The following DPY19L2 variants were observed in gnomAD, a reference collection of about 807,000 sequenced individuals.
The protein encoded by DPY19L2 is dpy-19 like 2.
DPY19L2 carries 34 observed loss-of-function variants against 97.9 expected under a neutral mutation model. The observed-to-expected ratio is 0.35, with a 90% CI of 0.26 to 0.46. DPY19L2 has a LOEUF of 0.46. Among genes scored for constraint, DPY19L2 ranks in the 20% least tolerant of loss-of-function variants. The pLI is 1.00. For synonymous variants in DPY19L2, 230 were observed against 307.9 expected (o/e 0.75, Z 2.65); for missense variants, 623 against 911.4 (o/e 0.68, Z 4.07).
intron 6 of DPY19L2, among the ~76,000 whole-genome samples, chr12:63,640,891 AT>A (rs1238359077): frequency 6.6e-6 from 1 of 152,248 alleles, no homozygotes; most frequent in East Asian, 1.9e-4. Context: ...TCATTTATTT[AT>A]TGATTTATTT....
intron 6 of DPY19L2, among the ~76,000 whole-genome samples, chr12:63,628,295 G>C (rs1221838687): frequency 6.6e-6 from 1 of 152,190 alleles, no homozygotes; most frequent in Non-Finnish European, 1.5e-5. Flanking sequence ...AGCGCAAGGG[G>C]TCAGGGAATT....
At chr12:63,617,779 C>T (rs1175254139) in intron 10 of DPY19L2, among the ~76,000 whole-genome samples, 1 of 151,908 alleles carries the variant, frequency 6.6e-6, no homozygotes, top group Non-Finnish European at 1.5e-5. Flanking sequence ...TTTAAGGAAG[C>T]TATGTTTGGG....
intron 6 of DPY19L2, among the ~76,000 whole-genome samples, chr12:63,636,302 G>A (rs1219206847): frequency 1.3e-5 from 2 of 152,102 alleles, no homozygotes; most frequent in Non-Finnish European, 1.5e-5. Context: ...AGGAACAACC[G>A]ATACCAGCCA....
chr12:63,638,638 A>C (rs142388383), intron 6 of DPY19L2, among the ~76,000 whole-genome samples: 1 of 152,114 alleles, frequency 6.6e-6, no homozygotes, highest in Non-Finnish European at 1.5e-5. Flanking sequence ...TAGGAATCCA[A>C]CTCACAAGGG....
intron 19 of DPY19L2, among the ~76,000 whole-genome samples, chr12:63,579,701 G>C (rs12321316): frequency 0.049 from 7,416 of 152,116 alleles, 534 homozygotes; most frequent in African/African-American, 0.17. Flanking sequence ...CTCCTATGTG[G>C]AAAAAGTCAG....
intron 4 of DPY19L2, among the ~76,000 whole-genome samples, chr12:63,656,016 TTA>T (rs749459986): frequency 1.3e-5 from 2 of 152,152 alleles, no homozygotes; most frequent in Non-Finnish European, 2.9e-5. Flanking sequence ...TGCACATGCT[TTA>T]TCTTTTTAAT....
chr12:63,606,271 A>G lies in DPY19L2; in HGVS notation c.1278+2345T>C, dbSNP rs183177462. ...TATTATTTACTTTTCTTGCATTACT[A>G]GGCTAGTTTGGACCTTTAATAAAAT... is the stretch of plus-strand genomic sequence containing the variant. On this transcript the variant is annotated intron_variant, in intron 12 of 21. Transcript: ENST00000324472. 4.2e-3 allele frequency among the ~76,000 whole-genome samples: 646 copies of G among 152,050 alleles called. 11 individuals carry two copies. The highest frequency in any genetic ancestry group is 0.015 in the African/African-American group (611 of 41,514).
chr12:63,637,551 A>T (rs1167603927), intron 6 of DPY19L2, among the ~76,000 whole-genome samples: 1 of 152,162 alleles, frequency 6.6e-6, no homozygotes, highest in East Asian at 1.9e-4. Context: ...TTACTCAGAA[A>T]TACAAACTAC....
At chr12:63,589,210 G>A (rs1253100270) in intron 16 of DPY19L2, among the ~76,000 whole-genome samples, 1 of 151,646 alleles carries the variant, frequency 6.6e-6, no homozygotes, top group East Asian at 1.9e-4. Flanking sequence ...GTTCTAGCAC[G>A]ACAAGAAAGT....
At chr12:63,627,390 C>T (rs1358734794) in intron 6 of DPY19L2, among the ~76,000 whole-genome samples, 1 of 152,118 alleles carries the variant, frequency 6.6e-6, no homozygotes, top group African/African-American at 2.4e-5. Context: ...TGCTCTGTCA[C>T]CCAGGCTGGA....
Position 63,560,628 on chromosome 12 carries a change from C to T in DPY19L2, c.2161G>A (p.Glu721Lys). 6.2e-7 allele frequency: 1 copy of T among 1,613,960 alleles called. No homozygotes were observed. The highest frequency in any genetic ancestry group is 8.5e-7 in the Non-Finnish European group (1 of 1,179,930). The change falls in exon 22 of 22, where the codon GAA (glutamate) becomes AAA (lysine). Residue 721 changes from glutamate to lysine, a missense_variant. By Grantham distance (56) the Glu-to-Lys change is moderately conservative. This residue lies in a region of DPY19L2 where 294 missense variants were observed against 446.2 expected (regional missense o/e 0.66). Transcript: ENST00000324472. ...GGGTTAGCTGCATTGGAAGGGTCTT[C>T]CACATCCCAGATTTCAAGCATACTG... ...GCSMLEIWDV[E>K]DPSNAANPPL...
At chr12:63,666,201 A>C (rs1161686722) in intron 1 of DPY19L2, among the ~76,000 whole-genome samples, 1 of 152,102 alleles carries the variant, frequency 6.6e-6, no homozygotes, top group Non-Finnish European at 1.5e-5. Flanking sequence ...GAAATTTTTA[A>C]AAGAAGTAAG....
At chr12:63,634,305 T>C (rs1164834088) in intron 6 of DPY19L2, among the ~76,000 whole-genome samples, 1 of 152,038 alleles carries the variant, frequency 6.6e-6, no homozygotes. Context: ...TAATAACATG[T>C]AAGATATGAA....
intron 4 of DPY19L2, among the ~76,000 whole-genome samples, chr12:63,650,216 C>T (rs1443702487): frequency 6.6e-6 from 1 of 152,092 alleles, no homozygotes; most frequent in Non-Finnish European, 1.5e-5. Context: ...CAACACCATA[C>T]TGAACAGGCA....
rs1882004302 is a variant in DPY19L2 at position 63,587,557 on chromosome 12, A to ATTATT, written c.1581-3722_1581-3721insAATAA. Among the ~76,000 whole-genome samples the ATTATT allele has an allele frequency of 3.2e-3, 442 of 136,230 alleles. 3 individuals carry two copies. Among genetic ancestry groups the ATTATT allele is most frequent in the African/African-American group, 0.012 (420 of 35,786 alleles). 89.4% of individuals were successfully genotyped at this position (136,230 alleles called of 152,430 possible). On this transcript the variant is annotated intron_variant, in intron 16 of 21. Coordinates refer to ENST00000324472, the MANE Select transcript of DPY19L2 (RefSeq NM_173812.5). The stretch of plus-strand genomic sequence containing the variant: ...AAGAAACTAGTTAGACATTTTTAAA[A>ATTATT]ATTATTATTATTATTATTATTATTA...
chr12:63,668,242 G>A lies in DPY19L2; in HGVS notation c.152C>T (p.Ser51Phe), dbSNP rs1243921431. 6.2e-6 allele frequency: 10 copies of A among 1,613,852 alleles called. No individual in the cohort carries two copies. The highest frequency in any genetic ancestry group is 8.5e-6 in the Non-Finnish European group (10 of 1,179,886). ...GATCCTCCCCGGGGAGGACCTCCAG[G>A]AGCCCCTTGGCAGTTTCCCGCCGCC... Reference protein sequence around the residue: ...ALGGGKLPRGSWRSSPGRIQS... With the variant: ...ALGGGKLPRGFWRSSPGRIQS... The change falls in exon 1 of 22, where the codon TCC (serine) becomes TTC (phenylalanine). Residue 51 changes from serine (S) to phenylalanine (F), a missense_variant. By Grantham distance (155) the Ser-to-Phe change is radical. Coordinates refer to ENST00000324472, the MANE Select transcript of DPY19L2 (RefSeq NM_173812.5).
At chr12:63,640,893 T>C (rs553723558) in intron 6 of DPY19L2, among the ~76,000 whole-genome samples, 1 of 152,272 alleles carries the variant, frequency 6.6e-6, no homozygotes, top group East Asian at 1.9e-4. Context: ...ATTTATTTAT[T>C]GATTTATTTT....
chr12:63,636,065 C>G (rs529138087), intron 6 of DPY19L2, among the ~76,000 whole-genome samples: 37 of 152,056 alleles, frequency 2.4e-4, no homozygotes, highest in African/African-American at 8.9e-4. Context: ...GCCCATGAGA[C>G]TAACAGCTGA....
intron 9 of DPY19L2, 39 bp from the exon 10 acceptor site, chr12:63,618,267 A>C (rs527334215): frequency 1.8e-5 from 16 of 872,454 alleles, no homozygotes; most frequent in Admixed American, 2.9e-5. Context: ...AAAAAAGTAT[A>C]GAAAACTAAC....
Sources: gnomAD v4.1 joint callset for allele counts (sites outside exome capture counted in the v4.1 genomes callset) on GRCh38, gnomAD v4.1.1 for gene constraint, gnomAD v4.1.1 regional missense constraint, MANE v1.5 for transcripts, NCBI Gene and HGNC (gene_info 2026-07-23, HGNC 2026-07-21) for gene names.